Variants in CACNA2D2 observed in about 807,000 individuals in gnomAD.
The protein encoded by CACNA2D2 is calcium voltage-gated channel auxiliary subunit alpha2delta 2.
CACNA2D2 carries 48 observed loss-of-function variants against 166.4 expected under a neutral mutation model. The ratio of observed to expected loss-of-function variants is 0.29; its 90% confidence interval spans 0.23 to 0.37. The LOEUF (loss-of-function observed/expected upper bound fraction) is 0.37, where lower values mean the gene tolerates loss of function less well. Ranked by LOEUF, CACNA2D2 falls within the 10% of genes least tolerant of loss-of-function variation. The pLI is 1.00. For missense variants in CACNA2D2, 1,122 were observed against 1,433.0 expected, an observed-to-expected ratio of 0.78 and a Z score of 3.50; for synonymous variants, 561 against 573.7, an observed-to-expected ratio of 0.98 and a Z score of 0.32.
intron 3 of CACNA2D2, among the ~76,000 whole-genome samples, chr3:50,428,258 G>A (rs1012018421): frequency 1.3e-5 from 2 of 152,198 alleles, no homozygotes; most frequent in African/African-American, 2.4e-5. Flanking sequence ...CAGCCCCACC[G>A]CAAAGCAGGA....
At chr3:50,374,888 G>A in intron 21 of CACNA2D2, 75 bp from the exon 22 acceptor site, 1 of 1,208,100 alleles carries the variant, frequency 8.3e-7, no homozygotes, top group Non-Finnish European at 1.2e-6. Flanking sequence ...TGGCCTTGGA[G>A]CTGGGCAGAG....
At chr3:50,439,729 T>G (rs774463077) in intron 2 of CACNA2D2, among the ~76,000 whole-genome samples, 1 of 152,182 alleles carries the variant, frequency 6.6e-6, no homozygotes, top group Non-Finnish European at 1.5e-5. Flanking sequence ...GGGTCTGCAG[T>G]TGGAGGCCGG....
intron 3 of CACNA2D2, among the ~76,000 whole-genome samples, chr3:50,419,530 G>T (rs1016479865): frequency 3.3e-5 from 5 of 152,136 alleles, no homozygotes; most frequent in Non-Finnish European, 7.3e-5. Context: ...TAACCCTGTG[G>T]GCCCTTCCCA....
chr3:50,370,308 C>T lies in CACNA2D2; in HGVS notation c.2045+12G>A. The T allele has an allele frequency of 6.4e-7, 1 of 1,574,736 alleles. No individual in the cohort carries two copies. Among genetic ancestry groups the T allele is most frequent in the South Asian group, 1.2e-5 (1 of 85,798 alleles). ...AGGGGAGGACACCTCAGCAAGGCCA[C>T]ACGCAAGCTACCTGGGAGCAATGAA... On this transcript the variant is annotated intron_variant, in intron 23 of 37. Transcript: ENST00000424201.
At position 50,363,219 on chromosome 3, in the gene CACNA2D2, C is replaced by T; in HGVS notation, c.*1447G>A. 1 of 398,938 alleles carries T rather than the reference C, an allele frequency of 2.5e-6. No homozygotes were observed. 24.7% of individuals were successfully genotyped at this position (398,938 alleles called of 1,614,324 possible). A position where few individuals can be genotyped will look rare whatever the true frequency, so the allele number is the denominator to read the frequency against. ...ACACAGCTGGCATCCAGGCCGGGTG[C>T]ACATGGACACCCACCCTGGCACCAG... On this transcript the variant is annotated 3_prime_UTR_variant, in exon 38 of 38. Coordinates refer to ENST00000424201, the MANE Select transcript of CACNA2D2 (RefSeq NM_006030.4).
intron 3 of CACNA2D2, among the ~76,000 whole-genome samples, chr3:50,433,242 G>T (rs974479461): frequency 6.6e-6 from 1 of 152,158 alleles, no homozygotes; most frequent in African/African-American, 2.4e-5. Flanking sequence ...TCATAGAAAT[G>T]GGATCACACA....
intron 1 of CACNA2D2, among the ~76,000 whole-genome samples, chr3:50,502,800 C>T (rs1699035291): frequency 6.6e-6 from 1 of 152,238 alleles, no homozygotes; most frequent in South Asian, 2.1e-4. Flanking sequence ...CGCCGGATTC[C>T]CACCAGGGAG....
intron 4 of CACNA2D2, among the ~76,000 whole-genome samples, chr3:50,392,318 A>G (rs571004514): frequency 2.0e-5 from 3 of 152,302 alleles, no homozygotes; most frequent in African/African-American, 7.2e-5. Flanking sequence ...ATTAGCATTG[A>G]TGCCTTTCAG....
chr3:50,490,561 G>A (rs753359884), intron 1 of CACNA2D2, among the ~76,000 whole-genome samples: 10 of 152,174 alleles, frequency 6.6e-5, no homozygotes, highest in Non-Finnish European at 1.0e-4. Flanking sequence ...AAAGCCACAG[G>A]AAGATATGTG....
chr3:50,437,517 C>T (rs1708406029), intron 2 of CACNA2D2, among the ~76,000 whole-genome samples: 2 of 152,178 alleles, frequency 1.3e-5, no homozygotes, highest in Admixed American at 6.5e-5. Context: ...GAATGATAGC[C>T]CCTAGTGCCA....
chr3:50,472,574 G>A (rs1428822106), intron 2 of CACNA2D2, among the ~76,000 whole-genome samples: 4 of 150,136 alleles, frequency 2.7e-5, no homozygotes, highest in Middle Eastern at 3.4e-3. Flanking sequence ...GGGCTGGCAT[G>A]CCTCAGGAGC....
chr3:50,376,656 A>G lies in CACNA2D2; in HGVS notation c.1627-468T>C, dbSNP rs999699595. The stretch of plus-strand genomic sequence containing the variant: ...CCCTTCCAGGTGGAAGGGAAGTAGG[A>G]GTAAGTGGGACCTGGACCTAGCCCT... On this transcript the variant is annotated intron_variant, in intron 17 of 37. Transcript: ENST00000424201. This position sits in a 1 kb window ranked among gnomAD's most constrained non-coding sequence, Gnocchi z 4.3. 1.3e-5 allele frequency among the ~76,000 whole-genome samples: 2 copies of G among 152,128 alleles called. No individual in the cohort carries two copies. Among genetic ancestry groups the G allele is most frequent in the Non-Finnish European group, 2.9e-5 (2 of 68,006 alleles).
chr3:50,424,708 A>G (rs1707724466), intron 3 of CACNA2D2, among the ~76,000 whole-genome samples: 1 of 152,210 alleles, frequency 6.6e-6, no homozygotes, highest in Non-Finnish European at 1.5e-5. Context: ...AGCAAGGGCC[A>G]GTGCTCAGTA....
intron 3 of CACNA2D2, among the ~76,000 whole-genome samples, chr3:50,406,208 C>T (rs1706702495): frequency 6.6e-6 from 1 of 151,848 alleles, no homozygotes; most frequent in African/African-American, 2.4e-5. Flanking sequence ...TGCAAATTGG[C>T]ACAGAGGCAA....
intron 1 of CACNA2D2, among the ~76,000 whole-genome samples, chr3:50,497,502 C>A (rs1055697817): frequency 6.6e-6 from 1 of 152,210 alleles, no homozygotes; most frequent in Non-Finnish European, 1.5e-5. Flanking sequence ...GGGGACCCAG[C>A]AGGTCCAGAC....
chr3:50,461,745 C>CAAAAAAAAA (rs561980044), intron 2 of CACNA2D2, among the ~76,000 whole-genome samples: 1 of 40,540 alleles, frequency 2.5e-5, no homozygotes, highest in Admixed American at 2.9e-4. Context: ...TGGGGAGTCT[C>CAAAAAAAAA]AAAAAAAAAA....
intron 4 of CACNA2D2, among the ~76,000 whole-genome samples, chr3:50,388,309 G>A (rs988976635): frequency 6.6e-6 from 1 of 152,206 alleles, no homozygotes; most frequent in Non-Finnish European, 1.5e-5. Flanking sequence ...AGAACCGAGC[G>A]CGGCTGACAG....
At position 50,380,686 on chromosome 3, in the gene CACNA2D2, G is replaced by C; in HGVS notation, c.842+62C>G. ...GGCTTGGAAATGGGGAGGGAGGGGA[G>C]CAGGCAGGAAAGGTGGGGAACTGAG... On this transcript the variant is annotated intron_variant, in intron 8 of 37. Transcript: ENST00000424201. This position sits in a 1 kb window ranked among gnomAD's most constrained non-coding sequence, Gnocchi z 4.9. 1 of 1,301,958 alleles carries C rather than the reference G, an allele frequency of 7.7e-7. No homozygotes were observed. The highest frequency in any genetic ancestry group is 1.0e-6 in the Non-Finnish European group (1 of 967,394). The allele number at this position is 1,301,958 out of a possible 1,614,324, so 80.7% of individuals were successfully genotyped here. A position where few individuals can be genotyped will look rare whatever the true frequency, so the allele number is the denominator to read the frequency against.
Position 50,370,337 on chromosome 3 carries a change from G to C in CACNA2D2, c.2028C>G (p.His676Gln). 1 of 1,588,904 alleles carries C rather than the reference G, an allele frequency of 6.3e-7. No homozygotes were observed. The highest frequency in any genetic ancestry group is 8.6e-7 in the Non-Finnish European group (1 of 1,168,384). ...LLPSSFESEG[H>Q]VFIAPREYCK... is the part of the protein sequence containing the mutation. The stretch of plus-strand genomic sequence containing the variant: ...CAAGCTACCTGGGAGCAATGAAAAC[G>C]TGTCCTTCAGACTCAAAGCTGCTGG... Residue 676 changes from histidine to glutamine, a missense_variant, in exon 23 of 38, where the codon CAC (histidine) becomes CAG (glutamine). Around this residue, in one of 2 missense-constraint regions of CACNA2D2, gnomAD observed 840 missense variants for 1,166.8 expected, o/e 0.72. Coordinates refer to ENST00000424201, the MANE Select transcript of CACNA2D2 (RefSeq NM_006030.4).
Sources: gnomAD v4.1 joint callset for allele counts (sites outside exome capture counted in the v4.1 genomes callset) on GRCh38, gnomAD v4.1.1 for gene constraint, gnomAD v4.1.1 regional missense constraint, Gnocchi (gnomAD v3.1) non-coding constraint, MANE v1.5 for transcripts, NCBI Gene and HGNC (gene_info 2026-07-23, HGNC 2026-07-21) for gene names.